SLC30A8: variants seen among roughly 807,000 people sequenced by gnomAD.
SLC30A8 encodes proton-coupled zinc antiporter SLC30A8.
A neutral mutation model predicts 36.9 loss-of-function variants in SLC30A8; 27 were observed. The observed-to-expected ratio is 0.73, with a 90% CI of 0.54 to 1.01. The LOEUF is 1.01. Among genes scored for constraint, SLC30A8 ranks in the 50% least tolerant of loss-of-function variants. The pLI is 0.00. For synonymous variants in SLC30A8, 164 were observed against 172.4 expected, an observed-to-expected ratio of 0.95 and a Z score of 0.38; for missense variants, 439 against 452.0, an observed-to-expected ratio of 0.97 and a Z score of 0.26.
intron 2 of SLC30A8, among the ~76,000 whole-genome samples, chr8:117,054,104 T>C (rs1262483725): frequency 2.0e-4 from 29 of 143,700 alleles, no homozygotes; most frequent in Non-Finnish European, 7.5e-5. Context: ...AAATCTTTTT[T>C]TTTTTTTTTT....
At chr8:117,105,151 A>G (rs1379420841) in intron 2 of SLC30A8, among the ~76,000 whole-genome samples, 5 of 152,080 alleles carry the variant, frequency 3.3e-5, no homozygotes. Context: ...TAGAATGTCT[A>G]ACCTCCTGGG....
intron 1 of SLC30A8, among the ~76,000 whole-genome samples, chr8:117,002,123 C>T (rs1056787711): frequency 2.6e-5 from 4 of 152,166 alleles, no homozygotes; most frequent in Non-Finnish European, 5.9e-5. Flanking sequence ...ATCAAAAATT[C>T]CATCCCATTA....
At chr8:117,071,273 T>C (rs1000142118) in intron 2 of SLC30A8, among the ~76,000 whole-genome samples, 1 of 152,214 alleles carries the variant, frequency 6.6e-6, no homozygotes, top group African/African-American at 2.4e-5. Context: ...CTTATTGTAC[T>C]TTTAATTTGC....
intron 2 of SLC30A8, among the ~76,000 whole-genome samples, chr8:117,049,676 C>A (rs1817651558): frequency 1.3e-5 from 2 of 152,330 alleles, no homozygotes; most frequent in Admixed American, 1.3e-4. Context: ...TCTGAAAACA[C>A]CAAATAAATC....
At chr8:117,122,646 T>C (rs1452971706) in intron 2 of SLC30A8, among the ~76,000 whole-genome samples, 1 of 152,030 alleles carries the variant, frequency 6.6e-6, no homozygotes, top group Non-Finnish European at 1.5e-5. Flanking sequence ...TAGGCAATTT[T>C]AAACATTGTC....
chr8:116,996,700 A>G (rs796343791), intron 1 of SLC30A8, among the ~76,000 whole-genome samples: 23 of 152,288 alleles, frequency 1.5e-4, no homozygotes, highest in African/African-American at 5.5e-4. Flanking sequence ...AACCCCGTGT[A>G]TGCTGTTCTA....
chr8:117,151,021 C>T (rs1822159085), intron 2 of SLC30A8, among the ~76,000 whole-genome samples: 1 of 151,844 alleles, frequency 6.6e-6, no homozygotes, highest in Non-Finnish European at 1.5e-5. Context: ...TATAATACCC[C>T]ACACAGGCGT....
intron 1 of SLC30A8, among the ~76,000 whole-genome samples, chr8:116,983,818 T>C (rs956985363): frequency 6.6e-6 from 1 of 152,180 alleles, no homozygotes; most frequent in African/African-American, 2.4e-5. Context: ...TTGACATTGG[T>C]ACAACTCACA....
intron 1 of SLC30A8, among the ~76,000 whole-genome samples, chr8:117,016,149 A>G (rs1816511527): frequency 6.6e-6 from 1 of 152,208 alleles, no homozygotes. Context: ...GAAACTAGAA[A>G]TCCAGAAATC....
intron 2 of SLC30A8, among the ~76,000 whole-genome samples, chr8:117,105,416 G>C (rs1200020024): frequency 6.6e-6 from 1 of 151,918 alleles, no homozygotes; most frequent in Admixed American, 6.6e-5. Flanking sequence ...TATCAGCGAG[G>C]GCTCTCAAGA....
At chr8:117,092,451 C>T (rs900111012) in intron 2 of SLC30A8, among the ~76,000 whole-genome samples, 2 of 151,636 alleles carry the variant, frequency 1.3e-5, no homozygotes, top group African/African-American at 4.8e-5. Flanking sequence ...CCTTTAACAG[C>T]CCTCTTTTTC....
chr8:117,134,551 AG>A (rs1283645213), upstream of SLC30A8, among the ~76,000 whole-genome samples: 204 of 152,096 alleles, frequency 1.3e-3, 1 homozygote, highest in African/African-American at 4.8e-3. Flanking sequence ...CATGCCTGAT[AG>A]GGTTTCCTTG....
At chr8:117,133,726 T>C (rs1242599847), upstream of SLC30A8, among the ~76,000 whole-genome samples, 1 of 152,156 alleles carries the variant, frequency 6.6e-6, no homozygotes, top group East Asian at 1.9e-4. Flanking sequence ...TTAGTAATTC[T>C]TTTCTGGTTT....
chr8:117,003,037 G>T lies in SLC30A8; in HGVS notation c.-265-36182G>T, dbSNP rs112995509. ...AGAAGTATTCTGTGTCTATGAAAAT[G>T]GCCTTATTTTCATTAAGAAATAAAG... On this transcript the variant is annotated intron_variant, in intron 1 of 10. Coordinates refer to the SLC30A8 transcript ENST00000427715. 1.7e-3 allele frequency among the ~76,000 whole-genome samples: 252 copies of T among 152,178 alleles called. 2 individuals are homozygous for T. The highest frequency in any genetic ancestry group is 5.7e-3 in the African/African-American group (235 of 41,490).
intron 2 of SLC30A8, among the ~76,000 whole-genome samples, chr8:117,087,676 T>C (rs2130822733): frequency 6.6e-6 from 1 of 152,260 alleles, no homozygotes; most frequent in Admixed American, 6.5e-5. Context: ...TCTACCTCAT[T>C]ATATGCCACT....
intron 2 of SLC30A8, among the ~76,000 whole-genome samples, chr8:117,099,797 G>T (rs1318052745): frequency 1.3e-5 from 2 of 152,198 alleles, no homozygotes; most frequent in African/African-American, 4.8e-5. Context: ...TCTGAGTACT[G>T]TACCATTAAA....
At chr8:116,963,866 T>C (rs1814513544) in intron 1 of SLC30A8, among the ~76,000 whole-genome samples, 1 of 152,238 alleles carries the variant, frequency 6.6e-6, no homozygotes, top group South Asian at 2.1e-4. Flanking sequence ...ACCATTTTAC[T>C]GAACTTACCT....
At chr8:117,053,208 C>T (rs763035461) in intron 2 of SLC30A8, among the ~76,000 whole-genome samples, 2 of 152,166 alleles carry the variant, frequency 1.3e-5, no homozygotes, top group African/African-American at 2.4e-5. Context: ...GGATTAGAGG[C>T]GTGAGCCACC....
chr8:117,154,543 A>G (rs1255828780), intron 3 of SLC30A8, among the ~76,000 whole-genome samples: 1 of 152,194 alleles, frequency 6.6e-6, no homozygotes, highest in Non-Finnish European at 1.5e-5. Flanking sequence ...TTCATACTAA[A>G]CAAACACTTG....
Sources: allele counts gnomAD v4.1 joint callset (sites outside exome capture counted in the v4.1 genomes callset), GRCh38; gene constraint gnomAD v4.1.1; transcripts MANE v1.5; gene names NCBI Gene and HGNC (gene_info 2026-07-23, HGNC 2026-07-21).